The following GALNTL6 variants were observed in gnomAD, a reference collection of about 807,000 sequenced individuals.
The protein encoded by GALNTL6 is polypeptide N-acetylgalactosaminyltransferase like 6, also known as polypeptide N-acetylgalactosaminyltransferase-like 6.
Under a neutral mutation model 73.7 loss-of-function variants are expected in GALNTL6, and 46 were observed. The observed-to-expected ratio is 0.62, with a 90% CI of 0.49 to 0.80. GALNTL6 has a LOEUF of 0.80. GALNTL6 is among the 30% of genes least tolerant of loss of function. GALNTL6 has a pLI of 0.00. For missense variants in GALNTL6, 604 were observed against 755.0 expected (o/e 0.80, Z 2.34); for synonymous variants, 259 against 263.7 (o/e 0.98, Z 0.17).
At chr4:171,835,894 AAAAT>A (rs1292942750) in intron 2 of GALNTL6, among the ~76,000 whole-genome samples, 2 of 152,072 alleles carry the variant, frequency 1.3e-5, no homozygotes, top group Non-Finnish European at 2.9e-5. Context: ...ACTGTAAACA[AAAAT>A]AAAAAAATAT....
intron 2 of GALNTL6, among the ~76,000 whole-genome samples, chr4:172,136,138 A>C (rs962096529): frequency 3.3e-5 from 5 of 152,114 alleles, no homozygotes; most frequent in Non-Finnish European, 7.4e-5. Context: ...ATGAGAGATA[A>C]ATTTCATAGT....
At chr4:172,394,707 C>T (rs1260205081) in intron 5 of GALNTL6, among the ~76,000 whole-genome samples, 1 of 152,140 alleles carries the variant, frequency 6.6e-6, no homozygotes, top group African/African-American at 2.4e-5. Context: ...GCTGGGATTA[C>T]AGGCATGAGC....
At position 172,177,026 on chromosome 4, in the gene GALNTL6, C is replaced by G. The variant is rs973798973; in HGVS notation, c.139-52630C>G. On this transcript the variant is annotated intron_variant, in intron 2 of 12. Transcript: ENST00000506823. ...GCAATTATTTAGCAACTTATAGAGT[C>G]ATTATATGATCCAGACACCCCAGGT... Among the ~76,000 whole-genome samples the G allele has an allele frequency of 7.9e-5, 12 of 152,210 alleles. 1 individual carries two copies. The Middle Eastern group carries it at 0.014, about 173-fold the overall frequency.
rs564575813 is a variant in GALNTL6, at chr4:171,958,928, TAATAA to T, written c.138+144215_138+144219del. ...AAATGAAATGTCAAAAAGTATCTTA[TAATAA>T]AATATTTTTTCTTTATTAGAGAAAC... is the stretch of plus-strand genomic sequence containing the variant. On this transcript the variant is annotated intron_variant, in intron 2 of 12. Transcript: ENST00000506823. 2.3e-3 allele frequency among the ~76,000 whole-genome samples: 349 copies of T among 152,256 alleles called. 3 individuals are homozygous for T. Among genetic ancestry groups the T allele is most frequent in the African/African-American group, 8.0e-3 (331 of 41,592 alleles).
intron 7 of GALNTL6, among the ~76,000 whole-genome samples, chr4:172,828,355 T>G (rs908743850): frequency 1.3e-5 from 2 of 151,658 alleles, no homozygotes; most frequent in Non-Finnish European, 1.5e-5. Context: ...TGTCAATTGC[T>G]TTCCCTGCAC....
intron 5 of GALNTL6, among the ~76,000 whole-genome samples, chr4:172,769,081 T>C (rs1181822938): frequency 1.3e-5 from 2 of 152,076 alleles, no homozygotes; most frequent in Non-Finnish European, 2.9e-5. Flanking sequence ...AGTGATAAAC[T>C]TTTTAAACTA....
intron 2 of GALNTL6, among the ~76,000 whole-genome samples, chr4:172,152,602 A>G (rs1734134778): frequency 6.6e-6 from 1 of 152,194 alleles, no homozygotes; most frequent in African/African-American, 2.4e-5. Flanking sequence ...AGTTTCAGAA[A>G]TGCAATTTTT....
At chr4:172,451,855 A>T (rs548877099) in intron 5 of GALNTL6, among the ~76,000 whole-genome samples, 317 of 152,122 alleles carry the variant, frequency 2.1e-3, no homozygotes, top group African/African-American at 7.1e-3. Flanking sequence ...AAATGAAATT[A>T]AAAAAATTAG....
chr4:172,981,816 T>G (rs1251718275), intron 10 of GALNTL6, among the ~76,000 whole-genome samples: 1 of 150,390 alleles, frequency 6.6e-6, no homozygotes, highest in Non-Finnish European at 1.5e-5. Context: ...TTTTTTTTTT[T>G]TTTTAGATGG....
At chr4:171,915,195 AT>A (rs1341606515) in intron 2 of GALNTL6, among the ~76,000 whole-genome samples, 1 of 152,170 alleles carries the variant, frequency 6.6e-6, no homozygotes, top group East Asian at 1.9e-4. Context: ...GCACAGCATC[AT>A]TTTATGTAAT....
chr4:171,960,801 C>A lies in GALNTL6; in HGVS notation c.138+146083C>A, dbSNP rs1482518174. ...GAAAATGTGACAATCTGGTGTTGAACTATTACAACTGATGGGAGCACCTAA... is the reference window on the plus strand; with the variant it reads ...GAAAATGTGACAATCTGGTGTTGAAATATTACAACTGATGGGAGCACCTAA... On this transcript the variant is annotated intron_variant, in intron 2 of 12. Transcript: ENST00000506823. Among the ~76,000 whole-genome samples the A allele has an allele frequency of 3.3e-5, 5 of 149,978 alleles. No individual in the cohort carries two copies. In the Admixed American group the frequency reaches 3.4e-4, roughly 10 times the overall value.
chr4:172,012,924 A>T (rs1741065581), intron 2 of GALNTL6, among the ~76,000 whole-genome samples: 1 of 151,858 alleles, frequency 6.6e-6, no homozygotes, highest in African/African-American at 2.4e-5. Flanking sequence ...TCACCCCCAA[A>T]AGTTCTCTGG....
chr4:172,233,266 A>G (rs1026249671), intron 3 of GALNTL6, among the ~76,000 whole-genome samples: 4 of 151,706 alleles, frequency 2.6e-5, no homozygotes, highest in Non-Finnish European at 5.9e-5. Context: ...TCTCAACTAC[A>G]TGGAGCTGAG....
intron 5 of GALNTL6, among the ~76,000 whole-genome samples, chr4:172,665,759 A>T (rs916254483): frequency 2.0e-5 from 3 of 152,144 alleles, no homozygotes; most frequent in Non-Finnish European, 4.4e-5. Flanking sequence ...TATATTAATG[A>T]ATAAATAAAC....
intron 2 of GALNTL6, among the ~76,000 whole-genome samples, chr4:172,203,035 G>T (rs1736004888): frequency 6.6e-6 from 1 of 152,186 alleles, no homozygotes; most frequent in Non-Finnish European, 1.5e-5. Flanking sequence ...AAAGTCCTGT[G>T]TATACTTTGA....
At chr4:172,307,670 A>G (rs1412739041) in intron 3 of GALNTL6, among the ~76,000 whole-genome samples, 1 of 151,976 alleles carries the variant, frequency 6.6e-6, no homozygotes, top group Non-Finnish European at 1.5e-5. Context: ...GGCTGTAAGT[A>G]TTTGCCTTTA....
At chr4:171,865,146 C>CA (rs767713398) in intron 2 of GALNTL6, among the ~76,000 whole-genome samples, 3,324 of 134,338 alleles carry the variant, frequency 0.025, 48 homozygotes, top group African/African-American at 0.04. Context: ...AACTCTGTCT[C>CA]AAAAAAAAAA....
At chr4:172,104,944 T>C (rs1732636013) in intron 2 of GALNTL6, among the ~76,000 whole-genome samples, 1 of 152,174 alleles carries the variant, frequency 6.6e-6, no homozygotes, top group East Asian at 1.9e-4. Flanking sequence ...AAACAACTGC[T>C]GTAGGTATTC....
At chr4:172,226,865 C>G (rs1478816793) in intron 2 of GALNTL6, among the ~76,000 whole-genome samples, 1 of 152,088 alleles carries the variant, frequency 6.6e-6, no homozygotes, top group African/African-American at 2.4e-5. Flanking sequence ...CTCTCTGATT[C>G]TCTAAATGCT....
Sources: allele counts gnomAD v4.1 joint callset (sites outside exome capture counted in the v4.1 genomes callset), GRCh38; gene constraint gnomAD v4.1.1; transcripts MANE v1.5; gene names NCBI Gene and HGNC (gene_info 2026-07-23, HGNC 2026-07-21).